The following DAAM2 variants were observed in gnomAD, a reference collection of about 807,000 sequenced individuals.
DAAM2 encodes dishevelled associated activator of morphogenesis 2, also known as disheveled-associated activator of morphogenesis 2.
Under a neutral mutation model 120.7 loss-of-function variants are expected in DAAM2, and 39 were observed. That is an observed-to-expected ratio of 0.32 (90% CI 0.25 to 0.42). The LOEUF (loss-of-function observed/expected upper bound fraction) is 0.42. DAAM2 is among the 10% of genes least tolerant of loss of function. The pLI is 1.00. For missense variants in DAAM2, 1,283 were observed against 1,401.7 expected, an observed-to-expected ratio of 0.92 and a Z score of 1.35; for synonymous variants, 488 against 524.9, an observed-to-expected ratio of 0.93 and a Z score of 0.96.
chr6:39,802,027 A>C (rs1467698), intron 1 of DAAM2, among the ~76,000 whole-genome samples: 2 of 152,120 alleles, frequency 1.3e-5, no homozygotes, highest in Non-Finnish European at 2.9e-5. Context: ...CTATTATAAC[A>C]CTCTATTTCT....
intron 8 of DAAM2, among the ~76,000 whole-genome samples, 154 bp downstream of exon 8, chr6:39,870,597 C>T (rs1019815403): frequency 1.3e-5 from 2 of 152,194 alleles, no homozygotes; most frequent in African/African-American, 4.8e-5. Context: ...GGAAGGGGTG[C>T]CCTTGCCTGT....
At position 39,887,543 on chromosome 6, in the gene DAAM2, T is replaced by C; in HGVS notation, c.2011T>C (p.Ser671Pro). 1 of 1,613,914 alleles carries C rather than the reference T, an allele frequency of 6.2e-7. No individual in the cohort carries two copies. The highest frequency in any genetic ancestry group is 8.5e-7 in the Non-Finnish European group (1 of 1,179,842). ...YLASRKVKELSVIDGRRAQNC... is the reference protein window; with the variant it reads ...YLASRKVKELPVIDGRRAQNC... ...GGCTTCCCGCAAGGTCAAAGAGCTG[T>C]CGGTCATTGATGGCCGGAGGGCCCA... Residue 671 changes from serine (S) to proline (P), a missense_variant, in exon 16 of 25, where the codon TCG becomes CCG. Physicochemically the swap from Ser to Pro is moderately conservative, Grantham distance 74. This residue lies in a region of DAAM2 where 748 missense variants were observed against 768.6 expected (regional missense o/e 0.97). Coordinates refer to ENST00000274867, the MANE Select transcript of DAAM2 (RefSeq NM_001201427.2).
intron 1 of DAAM2, among the ~76,000 whole-genome samples, chr6:39,834,965 G>T (rs1763050522): frequency 6.6e-6 from 1 of 152,158 alleles, no homozygotes; most frequent in Non-Finnish European, 1.5e-5. Flanking sequence ...TGTCCTCCTT[G>T]TCAATAGCCA....
chr6:39,867,693 A>G lies in DAAM2; in HGVS notation c.612A>G (p.Ile204Met). ...VLAQPEAIST[I>M]AQSLRTENSK... ...CACAGCCTGAGGCCATTAGTACCAT[A>G]GCCCAGAGCCTACGCACAGAGAACA... The change falls in exon 6 of 25, where the codon ATA (isoleucine) becomes ATG (methionine). Residue 204 changes from isoleucine to methionine, a missense_variant. Physicochemically the swap from Ile to Met is conservative, Grantham distance 10 (BLOSUM62 1). Coordinates refer to ENST00000274867, the MANE Select transcript of DAAM2 (RefSeq NM_001201427.2). 1 of 1,614,072 alleles carries G rather than the reference A, an allele frequency of 6.2e-7. No homozygotes were observed. Among genetic ancestry groups the G allele is most frequent in the Non-Finnish European group, 8.5e-7 (1 of 1,179,908 alleles).
rs1764599509 is a variant in DAAM2, at chr6:39,870,188, T to C, written c.874-152T>C. On this transcript the variant is annotated intron_variant, in intron 7 of 24. Coordinates refer to ENST00000274867, the MANE Select transcript of DAAM2 (RefSeq NM_001201427.2). ...ACTAAGAAATAAGGTCTCCATTCTT[T>C]CTTGGAACTCTGGGATTGGAAGCAG... 2.0e-5 allele frequency among the ~76,000 whole-genome samples: 3 copies of C among 152,098 alleles called. No individual in the cohort carries two copies. The South Asian group carries it at 6.2e-4, about 32-fold the overall frequency.
At chr6:39,888,541 C>A in intron 16 of DAAM2, 138 bp from the exon 17 acceptor site, 1 of 619,902 alleles carries the variant, frequency 1.6e-6, no homozygotes, top group Non-Finnish European at 2.8e-6. Context: ...TCTAAGAAGG[C>A]TTTGTAGAGG....
chr6:39,886,639 C>T (rs890281107), intron 15 of DAAM2: 50 of 395,088 alleles, frequency 1.3e-4, no homozygotes, highest in African/African-American at 9.9e-4. Flanking sequence ...TCAAATAGAC[C>T]CCTGGCAGCA....
At chr6:39,841,362 G>A (rs1294347870) in intron 1 of DAAM2, among the ~76,000 whole-genome samples, 5 of 146,842 alleles carry the variant, frequency 3.4e-5, no homozygotes, top group African/African-American at 1.3e-4. Context: ...CCAGGGGGAG[G>A]GAGTCCCAGG....
At chr6:39,815,006 A>C (rs902880541) in intron 1 of DAAM2, among the ~76,000 whole-genome samples, 3 of 152,222 alleles carry the variant, frequency 2.0e-5, no homozygotes, top group Non-Finnish European at 2.9e-5. Flanking sequence ...TCTCACTGCC[A>C]CAAACAGAGG....
chr6:39,867,363 A>C, intron 5 of DAAM2, 147 bp from the exon 6 acceptor site: 1 of 673,378 alleles, frequency 1.5e-6, no homozygotes. Flanking sequence ...ATAGGATTTC[A>C]CTGCTTTAGA....
intron 23 of DAAM2, among the ~76,000 whole-genome samples, chr6:39,900,493 C>T (rs756156727): frequency 1.3e-5 from 2 of 152,262 alleles, no homozygotes; most frequent in South Asian, 2.1e-4. Flanking sequence ...CAGATATGAA[C>T]GCTAAAATCA....
intron 14 of DAAM2, 96 bp from the exon 15 acceptor site, chr6:39,883,866 G>A (rs1264153375): frequency 2.0e-5 from 15 of 768,052 alleles, no homozygotes; most frequent in Non-Finnish European, 3.2e-5. Flanking sequence ...ATCTTAGTAT[G>A]TGCAGTTGGG....
intron 1 of DAAM2, among the ~76,000 whole-genome samples, chr6:39,797,383 G>A (rs528684667): frequency 6.6e-5 from 10 of 152,250 alleles, no homozygotes; most frequent in African/African-American, 2.4e-4. Context: ...TTTAAACATC[G>A]TTGACAATCA....
At chr6:39,845,776 C>T (rs930059272) in intron 1 of DAAM2, among the ~76,000 whole-genome samples, 3 of 151,946 alleles carry the variant, frequency 2.0e-5, no homozygotes, top group African/African-American at 7.3e-5. Flanking sequence ...CTGAAAACTC[C>T]GTTTCACAGC....
intron 7 of DAAM2, 32 bp downstream of exon 7, chr6:39,868,965 CCTGA>C (rs1764540747): frequency 6.8e-7 from 1 of 1,476,804 alleles, no homozygotes; most frequent in Non-Finnish European, 9.3e-7. Context: ...CTTGCTGTTC[CCTGA>C]CTTTCTGGAC....
intron 1 of DAAM2, among the ~76,000 whole-genome samples, chr6:39,826,590 C>T (rs1762682390): frequency 6.6e-6 from 1 of 152,176 alleles, no homozygotes; most frequent in Non-Finnish European, 1.5e-5. Context: ...CACGATCCTC[C>T]TGAAATTCTT....
In DAAM2 at chr6:39,901,574, CT is replaced by C; in HGVS notation, c.2982+103del. The C allele has an allele frequency of 7.7e-7, 1 of 1,298,570 alleles. No homozygotes were observed. Among genetic ancestry groups the C allele is most frequent in the Admixed American group, 2.4e-5 (1 of 42,158 alleles). 80.4% of individuals were successfully genotyped at this position (1,298,570 alleles called of 1,614,324 possible). ...TGGGAGGAGGGCAGAGACTGAGGAA[CT>C]GAGGAACACCATAGGGGTTGGATGT... is the stretch of plus-strand genomic sequence containing the variant. On this transcript the variant is annotated intron_variant, in intron 24 of 24. Coordinates refer to ENST00000274867, the MANE Select transcript of DAAM2 (RefSeq NM_001201427.2). This position sits in a 1 kb window ranked among gnomAD's most constrained non-coding sequence, Gnocchi z 4.5.
At chr6:39,848,354 A>G (rs1170610856) in intron 1 of DAAM2, among the ~76,000 whole-genome samples, 1 of 152,126 alleles carries the variant, frequency 6.6e-6, no homozygotes, top group Non-Finnish European at 1.5e-5. Flanking sequence ...GAATGAATGA[A>G]TATTTGACCA....
intron 5 of DAAM2, 46 bp from the exon 6 acceptor site, chr6:39,867,464 C>CTT (rs1764476912): frequency 6.3e-7 from 1 of 1,581,540 alleles, no homozygotes; most frequent in Non-Finnish European, 8.7e-7. Flanking sequence ...AAAGTGTACA[C>CTT]AGAATCATAT....
Sources: gnomAD v4.1 joint callset for allele counts (sites outside exome capture counted in the v4.1 genomes callset) on GRCh38, gnomAD v4.1.1 for gene constraint, gnomAD v4.1.1 regional missense constraint, Gnocchi (gnomAD v3.1) non-coding constraint, MANE v1.5 for transcripts, NCBI Gene and HGNC (gene_info 2026-07-23, HGNC 2026-07-21) for gene names.